Variants in CLIC2 observed in about 807,000 individuals in gnomAD.
CLIC2 encodes chloride intracellular channel protein 2.
A neutral mutation model predicts 14.8 loss-of-function variants in CLIC2; 9 were observed. The observed-to-expected ratio is 0.61, with a 90% CI of 0.37 to 1.06. The LOEUF is 1.06. Ranked by LOEUF, CLIC2 falls within the 50% of genes least tolerant of loss-of-function variation. The pLI, the probability that CLIC2 is intolerant of heterozygous loss-of-function variation, is 0.01. For synonymous variants in CLIC2, 61 were observed against 66.3 expected, an observed-to-expected ratio of 0.92 and a Z score of 0.39; for missense variants, 148 against 181.4, an observed-to-expected ratio of 0.82 and a Z score of 1.06.
intron 3 of CLIC2, among the ~76,000 whole-genome samples, chrX:155,287,594 A>T (rs2074947590): frequency 9.0e-6 from 1 of 111,630 alleles, no homozygotes; most frequent in South Asian, 3.7e-4. Context: ...TCGGCCTCCA[A>T]AAGTGCAGGG....
chrX:155,289,921 C>T (rs1418693410), intron 3 of CLIC2, among the ~76,000 whole-genome samples: 2 of 112,181 alleles, frequency 1.8e-5, no homozygotes, highest in Admixed American at 9.4e-5. Flanking sequence ...TGGCCTTTTC[C>T]GAGGCACACT....
chrX:155,334,197 T>C (rs1468386421), intron 1 of CLIC2, among the ~76,000 whole-genome samples, 174 bp downstream of exon 1: 1 of 111,708 alleles, frequency 9.0e-6, no homozygotes, highest in East Asian at 2.8e-4. Context: ...GTTTTCCTGT[T>C]GTCATCTAAG....
At chrX:155,292,802 T>C (rs782441591) in intron 3 of CLIC2, 404 of 331,702 alleles carry the variant, frequency 1.2e-3, no homozygotes, top group Middle Eastern at 2.6e-3. Context: ...AACAAACAAA[T>C]AAAAAAGCTG....
intron 1 of CLIC2, among the ~76,000 whole-genome samples, chrX:155,303,878 T>A (rs1201594315): frequency 9.8e-6 from 1 of 101,971 alleles, no homozygotes; most frequent in African/African-American, 3.6e-5. Context: ...GGGTTGAAAA[T>A]TCTTTTCTTT....
In CLIC2 at chrX:155,277,907, C is replaced by T. The variant is rs1427090057; in HGVS notation, c.740G>A (p.Ser247Asn). The T allele has an allele frequency of 8.3e-7, 1 of 1,207,635 alleles. No homozygotes were observed. The highest frequency in any genetic ancestry group is 1.1e-6 in the Non-Finnish European group (1 of 891,803). ...NTYANVAKQK[S>N] ...TTGTCTCCTGTAAGAGCTCTCCTAA[C>T]TCTTCTGTTTAGCCACATTTGCGTA... The change falls in exon 6 of 6, where the codon AGT (serine) becomes AAT (asparagine). Residue 247 changes from serine to asparagine, a missense_variant. Ser to Asn is a conservative substitution (Grantham distance 46). Coordinates refer to ENST00000369449, the MANE Select transcript of CLIC2 (RefSeq NM_001289.6).
intron 3 of CLIC2, among the ~76,000 whole-genome samples, chrX:155,280,990 G>GATTATATATATATATATATATAT (rs2074916802): frequency 1.1e-5 from 1 of 89,918 alleles, no homozygotes; most frequent in African/African-American, 4.1e-5. Context: ...GAAATTGTGA[G>GATTATATATATATATATATATAT]ATATATATAT....
At chrX:155,308,645 A>T (rs782636254) in intron 1 of CLIC2, among the ~76,000 whole-genome samples, 8 of 112,212 alleles carry the variant, frequency 7.1e-5, no homozygotes, top group Non-Finnish European at 1.5e-4. Flanking sequence ...AGGATAAAGA[A>T]AGGATCTTAA....
At chrX:155,285,207 G>A (rs2074937299) in intron 3 of CLIC2, among the ~76,000 whole-genome samples, 1 of 112,618 alleles carries the variant, frequency 8.9e-6, no homozygotes, top group African/African-American at 3.2e-5. Context: ...CCTTTTAGCA[G>A]TGTTTGTAAC....
intron 3 of CLIC2, chrX:155,292,279 G>C (rs1163288096): frequency 7.0e-6 from 4 of 569,303 alleles, no homozygotes; most frequent in Non-Finnish European, 1.3e-5. Flanking sequence ...ACCTGAGAGA[G>C]CCAAATGTCA....
intron 3 of CLIC2, among the ~76,000 whole-genome samples, chrX:155,298,261 G>C (rs1401650640): frequency 8.9e-6 from 1 of 112,098 alleles, no homozygotes; most frequent in African/African-American, 3.2e-5. Flanking sequence ...GTGGTAATTT[G>C]TTACACAGCA....
At position 155,334,567 on chromosome X, in the gene CLIC2, C is replaced by T. The variant is rs1312667842; in HGVS notation, c.-140G>A. The T allele has an allele frequency of 1.9e-6, 1 of 534,690 alleles. No individual in the cohort carries two copies. The highest frequency in any genetic ancestry group is 2.3e-5 in the African/African-American group (1 of 43,176). The allele number at this position is 534,690 out of a possible 1,213,427, so 44.1% of individuals were successfully genotyped here. Reference sequence around the variant, plus strand: ...CCGTCTAGCTTGTAGTGGACTGAGTCAGACCTGGAGCCAGTCTCTTCTCTC... The same window carrying T: ...CCGTCTAGCTTGTAGTGGACTGAGTTAGACCTGGAGCCAGTCTCTTCTCTC... On this transcript the variant is annotated 5_prime_UTR_variant, in exon 1 of 6. Coordinates refer to ENST00000369449, the MANE Select transcript of CLIC2 (RefSeq NM_001289.6).
intron 3 of CLIC2, among the ~76,000 whole-genome samples, chrX:155,282,324 C>T (rs1360469594): frequency 8.9e-6 from 1 of 111,742 alleles, no homozygotes; most frequent in African/African-American, 3.3e-5. Context: ...TTATTTTTCA[C>T]CTTAGCAGGA....
At chrX:155,290,398 C>G (rs1300953568) in intron 3 of CLIC2, 2 of 469,250 alleles carry the variant, frequency 4.3e-6, no homozygotes, top group Non-Finnish European at 7.6e-6. Context: ...CCTAATTAGT[C>G]TTCGAATTCT....
At chrX:155,282,553 A>G (rs2074923927) in intron 3 of CLIC2, among the ~76,000 whole-genome samples, 1 of 110,884 alleles carries the variant, frequency 9.0e-6, no homozygotes, top group Non-Finnish European at 1.9e-5. Flanking sequence ...TGTAGCCCCA[A>G]TGTCCAGGCC....
At chrX:155,321,429 A>G (rs1423803619) in intron 1 of CLIC2, among the ~76,000 whole-genome samples, 1 of 111,869 alleles carries the variant, frequency 8.9e-6, no homozygotes, top group Non-Finnish European at 1.9e-5. Context: ...TTAAAAACAG[A>G]ATTTTCAACC....
intron 3 of CLIC2, chrX:155,290,481 G>GTCTA (rs2124162971): frequency 3.8e-6 from 2 of 532,106 alleles, no homozygotes; most frequent in East Asian, 6.6e-5. Context: ...AATCCTCATT[G>GTCTA]TCTATCTCAA....
Position 155,318,969 on chromosome X carries a change from C to T in CLIC2, c.57+15402G>A, listed in dbSNP as rs1254576307. ...AAAACATAAAGTGGGGAAAGGACACCCTATTCAACAAATAATGTCGGGATA... is the reference window on the plus strand; with the variant it reads ...AAAACATAAAGTGGGGAAAGGACACTCTATTCAACAAATAATGTCGGGATA... On this transcript the variant is annotated intron_variant, in intron 1 of 5. Coordinates refer to ENST00000369449, the MANE Select transcript of CLIC2 (RefSeq NM_001289.6). Among the ~76,000 whole-genome samples the T allele has an allele frequency of 2.7e-5, 3 of 111,616 alleles. No individual in the cohort carries two copies. In the Admixed American group the frequency reaches 2.8e-4, roughly 11 times the overall value.
chrX:155,304,119 C>A lies in CLIC2; in HGVS notation c.58-4974G>T, dbSNP rs1386830494. Among the ~76,000 whole-genome samples the A allele has an allele frequency of 3.7e-5, 4 of 107,132 alleles. No homozygotes were observed. In the South Asian group the frequency reaches 1.7e-3, roughly 46 times the overall value. The allele number at this position is 107,132 out of a possible 115,157, so 93.0% of individuals were successfully genotyped here. On this transcript the variant is annotated intron_variant, in intron 1 of 5. Transcript: ENST00000369449. ...GTTCTCTGTATTTCCTGAATCTGAA[C>A]GTTGGCCTGCCTTGCTAGATTGGGG...
At chrX:155,304,525 A>G (rs1425174603) in intron 1 of CLIC2, among the ~76,000 whole-genome samples, 4 of 86,760 alleles carry the variant, frequency 4.6e-5, no homozygotes, top group African/African-American at 1.6e-4. Flanking sequence ...CTTTGGTTTG[A>G]ATGTCCTCCC....
Sources: gnomAD v4.1 joint callset for allele counts (sites outside exome capture counted in the v4.1 genomes callset) on GRCh38, gnomAD v4.1.1 for gene constraint, MANE v1.5 for transcripts, NCBI Gene and HGNC (gene_info 2026-07-23, HGNC 2026-07-21) for gene names.